RAD50: variants seen among roughly 807,000 people sequenced by gnomAD.
The protein encoded by RAD50 is RAD50 double strand break repair protein.
RAD50 carries 132 observed loss-of-function variants against 168.8 expected under a neutral mutation model. The ratio of observed to expected loss-of-function variants is 0.78; its 90% CI spans 0.68 to 0.90. The LOEUF (loss-of-function observed/expected upper bound fraction) is 0.90, where lower values mean the gene tolerates loss of function less well. Among genes scored for constraint, RAD50 ranks in the 40% least tolerant of loss-of-function variants. RAD50 has a pLI of 0.00. For missense variants in RAD50, 1,347 were observed against 1,534.4 expected (o/e 0.88, Z 2.04); for synonymous variants, 525 against 497.4 (o/e 1.06, Z -0.74).
intron 2 of RAD50, among the ~76,000 whole-genome samples, chr5:132,572,156 A>G (rs1750318321): frequency 6.6e-6 from 1 of 152,208 alleles, no homozygotes; most frequent in African/African-American, 2.4e-5. Flanking sequence ...AGATACAGAA[A>G]AAGCTTTTCA....
intron 2 of RAD50, among the ~76,000 whole-genome samples, chr5:132,563,516 C>A (rs1298452661): frequency 6.6e-6 from 1 of 152,124 alleles, no homozygotes; most frequent in Admixed American, 6.6e-5. Context: ...TAGTTTTTAA[C>A]CTCAGTAAGT....
chr5:132,587,368 C>T lies in RAD50; in HGVS notation c.757-194C>T, dbSNP rs144439323. ...TTTAATTCCTGCTTCTCTCTACTAG[C>T]TGTGAGGACTTGGGCCAAGTTACTT... On this transcript the variant is annotated intron_variant, in intron 5 of 24. Transcript: ENST00000378823. Among the ~76,000 whole-genome samples, 122 of 152,300 alleles carry T rather than the reference C, an allele frequency of 8.0e-4. 1 individual carries two copies. The highest frequency in any genetic ancestry group is 2.8e-3 in the African/African-American group (115 of 41,578).
At chr5:132,620,100 T>A (rs759176959) in intron 21 of RAD50, among the ~76,000 whole-genome samples, 142 of 151,856 alleles carry the variant, frequency 9.4e-4, no homozygotes, top group Non-Finnish European at 1.3e-3. Context: ...AGAGATGGGG[T>A]TTCACCGTGT....
chr5:132,562,865 G>A (rs1750144847), intron 2 of RAD50, among the ~76,000 whole-genome samples: 2 of 152,170 alleles, frequency 1.3e-5, no homozygotes, highest in African/African-American at 4.8e-5. Flanking sequence ...GGAGAAGCTA[G>A]TAAAAGAGCA....
intron 11 of RAD50, among the ~76,000 whole-genome samples, chr5:132,594,365 T>C (rs919655889): frequency 3.6e-4 from 55 of 152,106 alleles, no homozygotes; most frequent in African/African-American, 1.1e-3. Flanking sequence ...AGAATTAAAG[T>C]GGGGATAAAT....
chr5:132,561,554 C>G (rs1276369976), intron 2 of RAD50, among the ~76,000 whole-genome samples: 1 of 152,146 alleles, frequency 6.6e-6, no homozygotes, highest in Non-Finnish European at 1.5e-5. Flanking sequence ...AACCCTCTTC[C>G]CTATCTCTCT....
At chr5:132,621,362 T>C (rs1317788462) in intron 21 of RAD50, among the ~76,000 whole-genome samples, 1 of 152,216 alleles carries the variant, frequency 6.6e-6, no homozygotes, top group African/African-American at 2.4e-5. Context: ...AATTATCTTC[T>C]CTCATCTGCA....
intron 17 of RAD50, 67 bp from the exon 18 acceptor site, chr5:132,609,050 T>C: frequency 6.3e-7 from 1 of 1,581,954 alleles, no homozygotes; most frequent in Non-Finnish European, 8.6e-7. Context: ...GCCAGTGTTT[T>C]ACTGTGCTCT....
chr5:132,626,159 C>T (rs1304445618), intron 21 of RAD50, among the ~76,000 whole-genome samples: 9 of 152,066 alleles, frequency 5.9e-5, no homozygotes, highest in South Asian at 2.1e-4. Flanking sequence ...TGAGCCACCG[C>T]GCCCGAGAGG....
At chr5:132,582,726 A>C (rs1750524269) in intron 5 of RAD50, among the ~76,000 whole-genome samples, 1 of 151,796 alleles carries the variant, frequency 6.6e-6, no homozygotes, top group Admixed American at 6.6e-5. Context: ...TCTATACTTG[A>C]TAGCCCAGCT....
At chr5:132,598,536 C>T (rs537473759) in intron 13 of RAD50, among the ~76,000 whole-genome samples, 1 of 152,298 alleles carries the variant, frequency 6.6e-6, no homozygotes, top group African/African-American at 2.4e-5. Context: ...TGTGGTATGA[C>T]TGGGCTCAGC....
chr5:132,618,070 T>C lies in RAD50; in HGVS notation c.3165T>C (p.Ser1055=), dbSNP rs1399103189. The C allele has an allele frequency of 1.9e-6, 3 of 1,612,074 alleles. No individual in the cohort carries two copies. The Admixed American group carries it at 5.0e-5, about 27-fold the overall frequency. Residue 1055 remains serine, a splice_region_variant and synonymous_variant, in exon 21 of 25, where the codon AGT becomes AGC. Coordinates refer to ENST00000378823, the MANE Select transcript of RAD50 (RefSeq NM_005732.4). ...CATTTGTCATTTTTCTTTTTTACAG[T>C]GAACATCAGAAGTTGGAAGAGAACA... ...MGQMQVLQMK[S]EHQKLEENID...
chr5:132,575,347 A>G (rs1580984597), intron 2 of RAD50, among the ~76,000 whole-genome samples: 2 of 152,338 alleles, frequency 1.3e-5, no homozygotes, highest in East Asian at 3.9e-4. Flanking sequence ...TCACAAGAAC[A>G]GCATGGGAAA....
intron 11 of RAD50, 82 bp from the exon 12 acceptor site, chr5:132,594,787 T>G: frequency 7.3e-7 from 1 of 1,366,450 alleles, no homozygotes; most frequent in Non-Finnish European, 1.0e-6. Context: ...GTTGGCAGAA[T>G]TTGTCTTGTT....
intron 21 of RAD50, among the ~76,000 whole-genome samples, chr5:132,628,739 CAGG>C (rs1003449679): frequency 6.6e-6 from 1 of 151,910 alleles, no homozygotes; most frequent in African/African-American, 2.4e-5. Flanking sequence ...CCCAGCTACT[CAGG>C]AGGCTGAGGC....
At position 132,588,664 on chromosome 5, in the gene RAD50, T is replaced by C. The variant is rs200246462; in HGVS notation, c.1052-23T>C. ...TTTTAAGCACCAGTTGAAAAAAAAA[T>C]TATGAGATTTTTTTTTTAAAAGGTC... On this transcript the variant is annotated intron_variant, in intron 7 of 24. Coordinates refer to ENST00000378823, the MANE Select transcript of RAD50 (RefSeq NM_005732.4). The C allele has an allele frequency of 1.5e-3, 2,343 of 1,604,352 alleles. 3 individuals are homozygous for C. The highest frequency in any genetic ancestry group is 1.8e-3 in the Non-Finnish European group (2,072 of 1,175,308).
At position 132,575,823 on chromosome 5, in the gene RAD50, G is replaced by A. The variant is rs374561375; in HGVS notation, c.260G>A (p.Arg87His). Residue 87 changes from arginine to histidine, a missense_variant, in exon 3 of 25, where the codon CGT becomes CAT. Coordinates refer to ENST00000378823, the MANE Select transcript of RAD50 (RefSeq NM_005732.4). ...AGAGCCCAGATTCGTCTGCAATTTC[G>A]TGATGTCAATGGAGAACTTATAGCT... is the stretch of plus-strand genomic sequence containing the variant. ...DVRAQIRLQF[R>H]DVNGELIAVQ... 508 of 1,602,258 alleles carry A rather than the reference G, an allele frequency of 3.2e-4. 4 individuals carry two copies. The South Asian group carries it at 3.9e-3, about 12-fold the overall frequency.
At position 132,642,309 on chromosome 5, in the gene RAD50, A is replaced by G. The variant is rs1045257429; in HGVS notation, c.3884A>G (p.Gln1295Arg). The change falls in exon 25 of 25, where the codon CAG becomes CGG. Residue 1295 changes from glutamine to arginine, a missense_variant. Around this residue, in one of 3 missense-constraint regions of RAD50, gnomAD observed 635 missense variants for 739.2 expected, o/e 0.86. Transcript: ENST00000378823. ...TACAGGATTAAAAAGAACATCGATC[A>G]GTGCTCAGAGATTGTGAAATGCAGT... The part of the protein sequence containing the change: ...KFYRIKKNID[Q>R]CSEIVKCSVS... 1.2e-6 allele frequency: 2 copies of G among 1,613,994 alleles called. No homozygotes were observed. The highest frequency in any genetic ancestry group is 2.7e-5 in the African/African-American group (2 of 74,940).
intron 2 of RAD50, among the ~76,000 whole-genome samples, chr5:132,564,765 CATT>C (rs1480225885): frequency 1.3e-5 from 2 of 152,168 alleles, no homozygotes; most frequent in Admixed American, 1.3e-4. Flanking sequence ...CAGCCCCTCC[CATT>C]ACAGGACACT....
Sources: gnomAD v4.1 joint callset for allele counts (sites outside exome capture counted in the v4.1 genomes callset) on GRCh38, gnomAD v4.1.1 for gene constraint, gnomAD v4.1.1 regional missense constraint, MANE v1.5 for transcripts, NCBI Gene and HGNC (gene_info 2026-07-23, HGNC 2026-07-21) for gene names.